Variants in ANKFN1 observed in about 807,000 individuals in gnomAD.
The protein encoded by ANKFN1 is ankyrin repeat and fibronectin type-III domain-containing protein 1.
Under a neutral mutation model 108.7 loss-of-function variants are expected in ANKFN1, and 74 were observed. The ratio of observed to expected loss-of-function variants is 0.68; its 90% CI spans 0.56 to 0.83. ANKFN1 has a LOEUF of 0.83. Ranked by LOEUF, ANKFN1 falls within the 40% of genes least tolerant of loss-of-function variation. The probability of loss-of-function intolerance (pLI) is 0.00; values close to 1 mark genes in which losing one functional copy is unlikely to be tolerated. For missense variants in ANKFN1, 1,505 were observed against 1,382.3 expected (o/e 1.09, Z -1.41); for synonymous variants, 547 against 516.2 (o/e 1.06, Z -0.81).
intron 4 of ANKFN1, among the ~76,000 whole-genome samples, chr17:56,105,918 G>T (rs905651538): frequency 8.5e-5 from 13 of 152,170 alleles, no homozygotes; most frequent in Non-Finnish European, 1.8e-4. Context: ...GGAGGTAAAG[G>T]CACGGGATGC....
intron 10 of ANKFN1, 90 bp downstream of exon 10, chr17:56,443,023 A>T: frequency 8.0e-7 from 1 of 1,245,102 alleles, no homozygotes; most frequent in Non-Finnish European, 1.2e-6. Context: ...CCCTTCCCCC[A>T]CTGCTTGCAA....
chr17:56,070,760 C>G (rs139338960), intron 4 of ANKFN1, among the ~76,000 whole-genome samples: 2 of 145,120 alleles, frequency 1.4e-5, no homozygotes, highest in South Asian at 4.3e-4. Flanking sequence ...TTTTTTGAGA[C>G]GTACTCTCAC....
At chr17:56,508,160 C>T (rs2051629235) in intron 20 of ANKFN1, among the ~76,000 whole-genome samples, 1 of 152,220 alleles carries the variant, frequency 6.6e-6, no homozygotes, top group Admixed American at 6.5e-5. Context: ...GCTTGGACCA[C>T]AGCTTCCCAG....
rs117006912 is a variant in ANKFN1 at position 56,487,263 on chromosome 17, G to T, written c.2260+4739G>T. The stretch of plus-strand genomic sequence containing the variant: ...GGTGGGAGCAGGATAGGACCCCTTT[G>T]CAATAATAAAGCATGTTCCTGGGGT... On this transcript the variant is annotated intron_variant, in intron 18 of 20. Transcript: ENST00000682825. Among the ~76,000 whole-genome samples the T allele has an allele frequency of 9.2e-5, 14 of 152,218 alleles. No individual in the cohort carries two copies. In the East Asian group the frequency reaches 2.7e-3, roughly 29 times the overall value.
intron 1 of ANKFN1, among the ~76,000 whole-genome samples, chr17:56,189,179 T>TTTTTTTTTTGTTTTG (rs1555607727): frequency 2.7e-5 from 3 of 111,400 alleles, no homozygotes; most frequent in African/African-American, 1.5e-4. Context: ...ACTTTTTTTT[T>TTTTTTTTTTGTTTTG]TTTTTTTTTG....
intron 4 of ANKFN1, among the ~76,000 whole-genome samples, chr17:56,328,776 TA>T (rs11319397): frequency 0.68 from 102,837 of 150,568 alleles, 35,405 homozygotes; most frequent in East Asian, 0.95. Flanking sequence ...TATGTTCCTT[TA>T]AAAAAAAAAG....
rs1290940995 is a variant in ANKFN1 at position 56,091,482 on chromosome 17, C to CT, written c.288+45161dup. 1.3e-5 allele frequency among the ~76,000 whole-genome samples: 2 copies of CT among 148,180 alleles called. 1 individual carries two copies. Among genetic ancestry groups the CT allele is most frequent in the African/African-American group, 5.0e-5 (2 of 40,326 alleles). ...CACACAGAGTTCATTTCTCAACATTCTTTTCACTGCAACATTTGACATAGG... is the reference window on the plus strand; with the variant it reads ...CACACAGAGTTCATTTCTCAACATTCTTTTTCACTGCAACATTTGACATAGG... On this transcript the variant is annotated intron_variant, in intron 4 of 12. Coordinates refer to the ANKFN1 transcript ENST00000635860.
Position 56,501,284 on chromosome 17 carries a change from G to A in ANKFN1, c.2644+2186G>A, listed in dbSNP as rs191862794. 5.3e-5 allele frequency among the ~76,000 whole-genome samples: 8 copies of A among 152,292 alleles called. No individual in the cohort carries two copies. The South Asian group carries it at 6.2e-4, about 12-fold the overall frequency. On this transcript the variant is annotated intron_variant, in intron 20 of 20. Transcript: ENST00000682825. ...TAGTAAAAAGTCTGGATTTTATCCC[G>A]CTTGTGATGGAAAGCCATTGGAAAC...
chr17:56,475,959 A>G (rs577941624), intron 15 of ANKFN1, among the ~76,000 whole-genome samples: 2 of 152,218 alleles, frequency 1.3e-5, no homozygotes, highest in Non-Finnish European at 2.9e-5. Context: ...AGTATGCCTG[A>G]GAGGCCTCAG....
chr17:56,274,458 G>C (rs1392533985), intron 3 of ANKFN1, among the ~76,000 whole-genome samples: 2 of 152,134 alleles, frequency 1.3e-5, no homozygotes, highest in Non-Finnish European at 2.9e-5. Flanking sequence ...GGGCGACAGC[G>C]CGAGACTCCG....
In ANKFN1 at chr17:56,350,833, G is replaced by T. The variant is rs2046227670; in HGVS notation, c.256G>T (p.Ala86Ser). The change falls in exon 5 of 21, where the codon GCT (alanine) becomes TCT (serine). Residue 86 changes from alanine (A) to serine (S), a missense_variant. Physicochemically the swap from Ala to Ser is moderately conservative, Grantham distance 99. Transcript: ENST00000682825. ...TCTCTGTCAGTCAAAAAAACATAGT[G>T]CTCCCTCATCTCCCAACGCAGCCAA... Reference protein sequence around the residue: ...LHLCQSKKHSAPSSPNAAKRL... With the variant: ...LHLCQSKKHSSPSSPNAAKRL... 3 of 1,613,792 alleles carry T rather than the reference G, an allele frequency of 1.9e-6. No homozygotes were observed. The highest frequency in any genetic ancestry group is 1.3e-5 in the African/African-American group (1 of 74,982).
At chr17:56,252,244 G>A (rs2043251590) in intron 3 of ANKFN1, 1 of 152,144 alleles carries the variant, frequency 6.6e-6, no homozygotes, top group African/African-American at 2.4e-5. Flanking sequence ...AAGACCTGGA[G>A]GTAATAAAGT....
chr17:56,316,425 A>C lies in ANKFN1; in HGVS notation c.54-9796A>C, dbSNP rs567568084. ...AGAAAGCTGAGCAATTTGGCAGGAG[A>C]CTGGGTCATAAGCCACCCACTCAAG... On this transcript the variant is annotated intron_variant, in intron 3 of 20. Coordinates refer to ENST00000682825, the MANE Select transcript of ANKFN1 (RefSeq NM_001370326.1). 5.3e-5 allele frequency among the ~76,000 whole-genome samples: 8 copies of C among 152,244 alleles called. No individual in the cohort carries two copies. The East Asian group carries it at 1.4e-3, about 26-fold the overall frequency.
At chr17:56,335,901 G>T (rs1186546333) in intron 4 of ANKFN1, among the ~76,000 whole-genome samples, 1 of 152,164 alleles carries the variant, frequency 6.6e-6, no homozygotes, top group African/African-American at 2.4e-5. Flanking sequence ...CCAATACCTA[G>T]TTTATTGAGA....
chr17:56,280,987 C>G (rs1363247419), intron 3 of ANKFN1, among the ~76,000 whole-genome samples: 1 of 152,132 alleles, frequency 6.6e-6, no homozygotes, highest in Non-Finnish European at 1.5e-5. Context: ...TGCACAAGCT[C>G]TCTTCTCTTG....
chr17:56,253,103 A>T (rs768360263), intron 3 of ANKFN1, among the ~76,000 whole-genome samples: 2 of 152,214 alleles, frequency 1.3e-5, no homozygotes, highest in Non-Finnish European at 2.9e-5. Context: ...GTGAGAAAGA[A>T]GAGTGAGGAA....
intron 3 of ANKFN1, among the ~76,000 whole-genome samples, chr17:56,277,738 C>T (rs920082834): frequency 1.3e-5 from 2 of 152,164 alleles, no homozygotes; most frequent in African/African-American, 4.8e-5. Context: ...TTATCTAGCT[C>T]ACTCACTGCC....
intron 4 of ANKFN1, among the ~76,000 whole-genome samples, chr17:56,348,312 C>T (rs1450794530): frequency 6.6e-6 from 1 of 152,026 alleles, no homozygotes; most frequent in Non-Finnish European, 1.5e-5. Context: ...TAAATATGTC[C>T]ATTTAGCTAA....
chr17:56,295,987 G>T (rs1370458405), intron 3 of ANKFN1, among the ~76,000 whole-genome samples: 2 of 152,128 alleles, frequency 1.3e-5, no homozygotes, highest in African/African-American at 4.8e-5. Flanking sequence ...TTTTTGGGGG[G>T]CACATTCAAA....
Sources: allele counts gnomAD v4.1 joint callset (sites outside exome capture counted in the v4.1 genomes callset), GRCh38; gene constraint gnomAD v4.1.1; transcripts MANE v1.5; gene names NCBI Gene and HGNC (gene_info 2026-07-23, HGNC 2026-07-21).